The following SRI variants were observed in gnomAD, a reference collection of about 807,000 sequenced individuals.
SRI encodes 22 kDa protein.
SRI carries 30 observed loss-of-function variants against 33.3 expected under a neutral mutation model. The observed-to-expected ratio is 0.90, with a 90% CI of 0.67 to 1.22. SRI has a LOEUF of 1.22. Among genes scored for constraint, SRI ranks in the 50% most tolerant of loss-of-function variants. The pLI, the probability that SRI is intolerant of heterozygous loss-of-function variation, is 0.00. For missense variants in SRI, 243 were observed against 250.8 expected, an observed-to-expected ratio of 0.97 and a Z score of 0.21; for synonymous variants, 75 against 89.9, an observed-to-expected ratio of 0.83 and a Z score of 0.94.
Position 88,206,341 on chromosome 7 carries a change from A to G in SRI, c.*137T>C. On this transcript the variant is annotated 3_prime_UTR_variant, in exon 8 of 8. Coordinates refer to ENST00000265729, the MANE Select transcript of SRI (RefSeq NM_003130.4). ...AACTAAAACAAAACTTCAGTTGTAC[A>G]TAAAGTAATAAACTTTACAACAGCT... 4.0e-6 allele frequency: 4 copies of G among 1,004,606 alleles called. No homozygotes were observed. The East Asian group carries it at 9.6e-5, about 24-fold the overall frequency. The allele number at this position is 1,004,606 out of a possible 1,614,324, so 62.2% of individuals were successfully genotyped here.
At chr7:88,213,965 C>G (rs1428259868) in intron 3 of SRI, among the ~76,000 whole-genome samples, 1 of 152,128 alleles carries the variant, frequency 6.6e-6, no homozygotes, top group Non-Finnish European at 1.5e-5. Context: ...CTCAGGGTAA[C>G]AGGAACTTTG....
intron 1 of SRI, among the ~76,000 whole-genome samples, chr7:88,226,097 C>T (rs898545526): frequency 4.6e-5 from 7 of 152,236 alleles, no homozygotes; most frequent in Non-Finnish European, 8.8e-5. Flanking sequence ...AGAAAATCAC[C>T]TGTGTTCAGC....
At chr7:88,219,864 AG>A in intron 1 of SRI, 111 bp downstream of exon 1, 1 of 1,333,918 alleles carries the variant, frequency 7.5e-7, no homozygotes, top group Non-Finnish European at 1.0e-6. Flanking sequence ...GGGCGGAAGG[AG>A]CCCGGGTAGC....
At chr7:88,210,234 T>C in intron 4 of SRI, 104 bp from the exon 5 acceptor site, 1 of 1,261,962 alleles carries the variant, frequency 7.9e-7, no homozygotes. Flanking sequence ...CTAAAAAAGT[T>C]ATTGTAGATT....
rs1483529858 is a variant in SRI at position 88,205,834 on chromosome 7, T to C, written c.*644A>G. On this transcript the variant is annotated 3_prime_UTR_variant, in exon 8 of 8. Transcript: ENST00000265729. ...TTGTTAATATTTCCATATATTCCCTTAGTCTTTTTCTATCAATTTTCTTTT... is the reference window on the plus strand; with the variant it reads ...TTGTTAATATTTCCATATATTCCCTCAGTCTTTTTCTATCAATTTTCTTTT... The C allele has an allele frequency of 6.6e-6, 1 of 152,612 alleles. No homozygotes were observed. The highest frequency in any genetic ancestry group is 1.5e-5 in the Non-Finnish European group (1 of 68,030). 9.5% of individuals were successfully genotyped at this position (152,612 alleles called of 1,614,324 possible). A position where few individuals can be genotyped will look rare whatever the true frequency, so the allele number is the denominator to read the frequency against.
At chr7:88,214,960 G>T in intron 3 of SRI, 1 of 565,252 alleles carries the variant, frequency 1.8e-6, no homozygotes, top group Non-Finnish European at 3.1e-6. Context: ...AAAAAGAGAA[G>T]CTGAATTACA....
At chr7:88,222,909 CT>C (rs1851921087), upstream of SRI, among the ~76,000 whole-genome samples, 1 of 151,820 alleles carries the variant, frequency 6.6e-6, no homozygotes, top group African/African-American at 2.4e-5. Flanking sequence ...AGAAGAAAAC[CT>C]AGGCATTACC....
rs1047988046 is a variant in SRI, at chr7:88,206,198, A to G, written c.*280T>C. On this transcript the variant is annotated 3_prime_UTR_variant, in exon 8 of 8. Transcript: ENST00000265729. ...ATAATGTGACTTAAACATTTTGCATACTTAAATTTACATAGAGTTTTAGCA... is the reference window on the plus strand; with the variant it reads ...ATAATGTGACTTAAACATTTTGCATGCTTAAATTTACATAGAGTTTTAGCA... 1 of 483,894 alleles carries G rather than the reference A, an allele frequency of 2.1e-6. No individual in the cohort carries two copies. The highest frequency in any genetic ancestry group is 1.9e-5 in the African/African-American group (1 of 51,708). The allele number at this position is 483,894 out of a possible 1,614,324, so 30.0% of individuals were successfully genotyped here.
chr7:88,209,918 G>T, intron 5 of SRI, 65 bp downstream of exon 5: 1 of 1,607,200 alleles, frequency 6.2e-7, no homozygotes, highest in Non-Finnish European at 8.5e-7. Flanking sequence ...ACCCAGCCTG[G>T]TTTTAAAAAT....
rs1353661196 is a variant in SRI at position 88,220,002 on chromosome 7, C to T, written c.25G>A (p.Ala9Thr). 3.3e-6 allele frequency: 5 copies of T among 1,536,022 alleles called. No homozygotes were observed. Among genetic ancestry groups the T allele is most frequent in the East Asian group, 4.9e-5 (2 of 40,506 alleles). ...CCGCCTGGGTAGTACCCGCCGCCGGCGCCAGGATGCCCCGGGTACGCCATG... is the reference window on the plus strand; with the variant it reads ...CCGCCTGGGTAGTACCCGCCGCCGGTGCCAGGATGCCCCGGGTACGCCATG... MAYPGHPGAGGGYYPGGYG... is the reference protein window; with the variant it reads MAYPGHPGTGGGYYPGGYG... Residue 9 changes from alanine to threonine, a missense_variant, in exon 1 of 8, where the codon GCC (alanine) becomes ACC (threonine). Ala to Thr is a moderately conservative substitution (Grantham distance 58). Transcript: ENST00000265729.
In SRI at chr7:88,210,870, A is replaced by C. The variant is rs1851559553; in HGVS notation, c.249+12T>G. 1.2e-6 allele frequency: 2 copies of C among 1,612,364 alleles called. No individual in the cohort carries two copies. The highest frequency in any genetic ancestry group is 1.7e-6 in the Non-Finnish European group (2 of 1,179,112). ...AAAAATTATTCTAGACAACAATCAA[A>C]GTAAAGGATACATCCAGCATTGAAA... On this transcript the variant is annotated intron_variant, in intron 4 of 7. Transcript: ENST00000265729.
At position 88,209,742 on chromosome 7, in the gene SRI, G is replaced by A. The variant is rs138997674; in HGVS notation, c.397+241C>T. ...TGATTCTCCTGTCTTAGCCTCCCGA[G>A]TAGCTGGGACTGCAGGTGCATGCCA... is the stretch of plus-strand genomic sequence containing the variant. On this transcript the variant is annotated intron_variant, in intron 5 of 7. Transcript: ENST00000265729. Among the ~76,000 whole-genome samples the A allele has an allele frequency of 4.9e-3, 746 of 152,160 alleles. 7 individuals carry two copies. Among genetic ancestry groups the A allele is most frequent in the African/African-American group, 0.017 (700 of 41,492 alleles).
intron 5 of SRI, 26 bp from the exon 6 acceptor site, chr7:88,209,478 A>C (rs1256040466): frequency 6.4e-7 from 1 of 1,564,204 alleles, no homozygotes; most frequent in South Asian, 1.1e-5. Flanking sequence ...TCCAGTAAAA[A>C]GGTTAAAGGA....
upstream of SRI, among the ~76,000 whole-genome samples, chr7:88,223,734 A>G (rs1005269420): frequency 6.6e-6 from 1 of 152,212 alleles, no homozygotes; most frequent in African/African-American, 2.4e-5. Context: ...ATGTACAGAA[A>G]TAGGAGGTGG....
intron 1 of SRI, 153 bp from the exon 2 acceptor site, chr7:88,219,095 C>G: frequency 1.5e-6 from 1 of 688,326 alleles, no homozygotes; most frequent in Non-Finnish European, 2.6e-6. Context: ...GCCAACACTC[C>G]ACCCCTCTCT....
At chr7:88,220,173 T>C (rs1851855326), upstream of SRI, 2 of 1,317,592 alleles carry the variant, frequency 1.5e-6, no homozygotes, top group Middle Eastern at 2.9e-4. Flanking sequence ...AGCTCTTGCC[T>C]GTGCGCGCGG....
chr7:88,215,639 A>G (rs1851690568), intron 3 of SRI, among the ~76,000 whole-genome samples: 1 of 152,234 alleles, frequency 6.6e-6, no homozygotes, highest in Admixed American at 6.5e-5. Context: ...TAATTAGGAA[A>G]GAGTAATAGG....
At chr7:88,210,487 T>G (rs1851548903) in intron 4 of SRI, 1 of 389,860 alleles carries the variant, frequency 2.6e-6, no homozygotes, top group African/African-American at 2.1e-5. Context: ...GGTACTAATA[T>G]TCCCTTGTTT....
At chr7:88,217,336 T>A in intron 2 of SRI, 145 bp from the exon 3 acceptor site, 1 of 704,510 alleles carries the variant, frequency 1.4e-6, no homozygotes, top group Admixed American at 2.5e-5. Context: ...TTAAAAGGAA[T>A]GCCTTCCAAA....
Sources: gnomAD v4.1 joint callset for allele counts (sites outside exome capture counted in the v4.1 genomes callset) on GRCh38, gnomAD v4.1.1 for gene constraint, MANE v1.5 for transcripts, NCBI Gene and HGNC (gene_info 2026-07-23, HGNC 2026-07-21) for gene names.